Variants in GABRG1 observed in about 807,000 individuals in gnomAD.
GABRG1 encodes the protein gamma-aminobutyric acid type A receptor subunit gamma1.
A neutral mutation model predicts 49.8 loss-of-function variants in GABRG1; 49 were observed. The ratio of observed to expected loss-of-function variants is 0.98; its 90% CI spans 0.78 to 1.25. The LOEUF (loss-of-function observed/expected upper bound fraction) is 1.25, where lower values mean the gene tolerates loss of function less well. Ranked by LOEUF, GABRG1 falls within the 50% of genes most tolerant of loss-of-function variation. The pLI is 0.00. For missense variants in GABRG1, 552 were observed against 552.3 expected, an observed-to-expected ratio of 1.00 and a Z score of 0.01; for synonymous variants, 232 against 185.1, an observed-to-expected ratio of 1.25 and a Z score of -2.06.
intron 3 of GABRG1, among the ~76,000 whole-genome samples, chr4:46,067,178 T>C (rs1303616683): frequency 6.6e-6 from 1 of 152,034 alleles, no homozygotes; most frequent in African/African-American, 2.4e-5. Flanking sequence ...TATAGGGAAG[T>C]TGGATCAAAT....
chr4:46,066,519 T>C (rs1051606377), intron 3 of GABRG1, among the ~76,000 whole-genome samples: 4 of 152,122 alleles, frequency 2.6e-5, no homozygotes, highest in Admixed American at 2.6e-4. Flanking sequence ...TCTTCTCACA[T>C]CACAGAACTA....
intron 7 of GABRG1, among the ~76,000 whole-genome samples, chr4:46,053,357 A>G (rs987819084): frequency 2.6e-5 from 4 of 151,866 alleles, no homozygotes; most frequent in East Asian, 1.9e-4. Context: ...AAAGTAGTTG[A>G]TGATAATTTC....
intron 1 of GABRG1, among the ~76,000 whole-genome samples, chr4:46,119,541 T>C (rs1721034594): frequency 6.6e-6 from 1 of 151,442 alleles, no homozygotes; most frequent in Admixed American, 6.6e-5. Flanking sequence ...CTTCTTCTCA[T>C]TAGGTAATTT....
At position 46,084,063 on chromosome 4, in the gene GABRG1, A is replaced by T; in HGVS notation, c.254-10T>A. 6.6e-7 allele frequency: 1 copy of T among 1,526,456 alleles called. No homozygotes were observed. 94.6% of individuals were successfully genotyped at this position (1,526,456 alleles called of 1,614,324 possible). On this transcript the variant is annotated splice_polypyrimidine_tract_variant and intron_variant, in intron 2 of 8. Transcript: ENST00000295452. ...ATTACTGTGGGCCTCACTGCAAAAT[A>T]TCAACAAAAAGAAAGGTCAAAGATA...
At chr4:46,075,370 T>TA (rs1468201501) in intron 3 of GABRG1, among the ~76,000 whole-genome samples, 3 of 152,084 alleles carry the variant, frequency 2.0e-5, no homozygotes, top group African/African-American at 7.2e-5. Flanking sequence ...AATTTTATTT[T>TA]AAAAAATTAG....
rs1410052444 is a variant in GABRG1 at position 46,036,086 on chromosome 4, C to T, written c.*4902G>A. The T allele has an allele frequency of 6.6e-6, 1 of 151,908 alleles. No homozygotes were observed. Among genetic ancestry groups the T allele is most frequent in the Admixed American group, 6.6e-5 (1 of 15,226 alleles). 9.4% of individuals were successfully genotyped at this position (151,908 alleles called of 1,614,324 possible). A position where few individuals can be genotyped will look rare whatever the true frequency, so the allele number is the denominator to read the frequency against. Reference sequence around the variant, plus strand: ...CTAATTAGCCCTTTTTGCTTAGCTGCATTTCAGTTATCACAGCCTTTACTA... The same window carrying T: ...CTAATTAGCCCTTTTTGCTTAGCTGTATTTCAGTTATCACAGCCTTTACTA... On this transcript the variant is annotated 3_prime_UTR_variant, in exon 9 of 9. Transcript: ENST00000295452.
chr4:46,061,738 C>T (rs1329870558), intron 5 of GABRG1, among the ~76,000 whole-genome samples: 2 of 149,624 alleles, frequency 1.3e-5, no homozygotes, highest in Non-Finnish European at 1.5e-5. Flanking sequence ...AGTAAACCAC[C>T]ACTACACAGC....
intron 1 of GABRG1, among the ~76,000 whole-genome samples, chr4:46,115,841 A>T (rs10032692): frequency 0.096 from 14,526 of 150,692 alleles, 1,756 homozygotes; most frequent in African/African-American, 0.29. Context: ...TTTATTTAGA[A>T]TCAATATAAG....
intron 8 of GABRG1, among the ~76,000 whole-genome samples, chr4:46,049,573 G>T (rs189727845): frequency 2.0e-5 from 3 of 151,754 alleles, no homozygotes; most frequent in African/African-American, 4.8e-5. Context: ...TTTAATTTTC[G>T]TTCTTTACCT....
chr4:46,063,821 A>G (rs1418327279), intron 5 of GABRG1, among the ~76,000 whole-genome samples: 1 of 152,170 alleles, frequency 6.6e-6, no homozygotes, highest in African/African-American at 2.4e-5. Context: ...AATGAACTCA[A>G]ACAAATTTAC....
intron 1 of GABRG1, among the ~76,000 whole-genome samples, chr4:46,121,397 C>A (rs1045959062): frequency 4.5e-4 from 68 of 152,028 alleles, no homozygotes; most frequent in Admixed American, 2.6e-3. Flanking sequence ...GTTCACCCAA[C>A]TGTAGCTACT....
chr4:46,041,378 T>G, intron 8 of GABRG1, 124 bp from the exon 9 acceptor site: 1 of 781,874 alleles, frequency 1.3e-6, no homozygotes, highest in Admixed American at 3.2e-5. Context: ...TTTCAAAAAA[T>G]CAAGTATTTT....
chr4:46,056,521 C>A (rs1372401082), intron 7 of GABRG1, among the ~76,000 whole-genome samples: 2 of 152,096 alleles, frequency 1.3e-5, no homozygotes, highest in Non-Finnish European at 2.9e-5. Flanking sequence ...CACACCCTGT[C>A]ATTTTCTAAA....
chr4:46,106,895 A>T (rs1011660224), intron 1 of GABRG1, among the ~76,000 whole-genome samples: 1 of 151,308 alleles, frequency 6.6e-6, no homozygotes, highest in South Asian at 2.1e-4. Flanking sequence ...TCCAAACGCA[A>T]CTACATTTAA....
intron 1 of GABRG1, among the ~76,000 whole-genome samples, chr4:46,097,855 T>A (rs1358406295): frequency 6.6e-6 from 1 of 151,716 alleles, no homozygotes; most frequent in African/African-American, 2.4e-5. Context: ...GGAAAACATG[T>A]TTGTTGTACA....
chr4:46,069,763 C>A (rs781645646), intron 3 of GABRG1, among the ~76,000 whole-genome samples: 28 of 151,780 alleles, frequency 1.8e-4, no homozygotes, highest in Non-Finnish European at 4.0e-4. Context: ...ACTTGGTTTA[C>A]AAAGACGAAA....
At chr4:46,084,617 A>G (rs1341399896) in intron 2 of GABRG1, among the ~76,000 whole-genome samples, 1 of 151,652 alleles carries the variant, frequency 6.6e-6, no homozygotes, top group East Asian at 1.9e-4. Context: ...CTTGCAATTA[A>G]AAATACACTT....
In GABRG1 at chr4:46,037,114, T is replaced by C. The variant is rs1717559984; in HGVS notation, c.*3874A>G. The C allele has an allele frequency of 1.3e-5, 2 of 151,924 alleles. No homozygotes were observed. The highest frequency in any genetic ancestry group is 4.8e-5 in the African/African-American group (2 of 41,424). The allele number at this position is 151,924 out of a possible 1,614,324, so 9.4% of individuals were successfully genotyped here. A position where few individuals can be genotyped will look rare whatever the true frequency, so the allele number is the denominator to read the frequency against. On this transcript the variant is annotated 3_prime_UTR_variant, in exon 9 of 9. Coordinates refer to ENST00000295452, the MANE Select transcript of GABRG1 (RefSeq NM_173536.4). ...AAGTTATCCTCCCTTCCTTAAATTG[T>C]ATAACTAATCCTCTCATCTTTCTGA...
chr4:46,045,695 T>C (rs1717968236), intron 8 of GABRG1, among the ~76,000 whole-genome samples: 1 of 151,930 alleles, frequency 6.6e-6, no homozygotes, highest in Non-Finnish European at 1.5e-5. Flanking sequence ...GATTTAAATA[T>C]ATTATTTAAA....
Sources: allele counts gnomAD v4.1 joint callset (sites outside exome capture counted in the v4.1 genomes callset), GRCh38; gene constraint gnomAD v4.1.1; transcripts MANE v1.5; gene names NCBI Gene and HGNC (gene_info 2026-07-23, HGNC 2026-07-21).